PLD1: variants seen among roughly 807,000 people sequenced by gnomAD.
PLD1 encodes the protein choline phosphatase 1.
A neutral mutation model predicts 137.1 loss-of-function variants in PLD1; 112 were observed. The observed-to-expected ratio is 0.82, with a 90% confidence interval of 0.70 to 0.96. The LOEUF (loss-of-function observed/expected upper bound fraction) is 0.96. Among genes scored for constraint, PLD1 ranks in the 40% least tolerant of loss-of-function variants. PLD1 has a pLI of 0.00. For synonymous variants in PLD1, 431 were observed against 454.7 expected (o/e 0.95, Z 0.66); for missense variants, 1,321 against 1,342.0 (o/e 0.98, Z 0.24).
At chr3:171,725,556 A>G (rs1297366284) in intron 7 of PLD1, among the ~76,000 whole-genome samples, 1 of 152,256 alleles carries the variant, frequency 6.6e-6, no homozygotes, top group Non-Finnish European at 1.5e-5. Flanking sequence ...CTTGAAAGTT[A>G]AGCTCTTTAT....
chr3:171,623,331 T>TA (rs1172050107), intron 23 of PLD1, among the ~76,000 whole-genome samples: 123 of 150,516 alleles, frequency 8.2e-4, no homozygotes, highest in African/African-American at 2.8e-3. Flanking sequence ...TTTTTTTTTT[T>TA]TGAGATGGAG....
rs990716571 is a variant in PLD1 at position 171,678,791 on chromosome 3, T to G, written c.1868-1097A>C. Among the ~76,000 whole-genome samples the G allele has an allele frequency of 2.6e-5, 4 of 152,304 alleles. No individual in the cohort carries two copies. In the East Asian group the frequency reaches 7.7e-4, roughly 29 times the overall value. On this transcript the variant is annotated intron_variant, in intron 16 of 26. Transcript: ENST00000351298. ...AAGACTCTTCCCAAACTGGTGCCAA[T>G]CTATCTTTCTAGTCCTTGTTTTTCC...
At chr3:171,730,177 C>T (rs982524133) in intron 6 of PLD1, among the ~76,000 whole-genome samples, 8 of 152,138 alleles carry the variant, frequency 5.3e-5, no homozygotes, top group African/African-American at 1.9e-4. Flanking sequence ...CTACAGCCAG[C>T]ACTAATACAA....
chr3:171,692,532 CT>C lies in PLD1; in HGVS notation c.1228-91del, dbSNP rs368048616. On this transcript the variant is annotated intron_variant, in intron 12 of 26. Transcript: ENST00000351298. ...TTTTCCTTTGCACTGTACTTTCTTTCTTTTTTTTTTCAGAGTCTCACTCTGT... is the reference window on the plus strand; with the variant it reads ...TTTTCCTTTGCACTGTACTTTCTTTCTTTTTTTTTCAGAGTCTCACTCTGT... 4,135 of 626,360 alleles carry C rather than the reference CT, an allele frequency of 6.6e-3. 46 individuals carry two copies. Among genetic ancestry groups the C allele is most frequent in the African/African-American group, 0.04 (2,104 of 52,838 alleles). 38.8% of individuals were successfully genotyped at this position (626,360 alleles called of 1,614,324 possible). A position where few individuals can be genotyped will look rare whatever the true frequency, so the allele number is the denominator to read the frequency against.
intron 25 of PLD1, among the ~76,000 whole-genome samples, chr3:171,609,412 T>C (rs1174534440): frequency 6.6e-6 from 1 of 151,716 alleles, no homozygotes; most frequent in Non-Finnish European, 1.5e-5. Flanking sequence ...GTCCTAAAAA[T>C]GACACCTGCA....
At chr3:171,730,908 G>C (rs1718893489) in intron 6 of PLD1, among the ~76,000 whole-genome samples, 1 of 152,110 alleles carries the variant, frequency 6.6e-6, no homozygotes, top group African/African-American at 2.4e-5. Flanking sequence ...CAAAATGCTG[G>C]GATTGCAGGC....
intron 1 of PLD1, among the ~76,000 whole-genome samples, chr3:171,781,915 CA>C (rs561953471): frequency 8.6e-5 from 13 of 151,830 alleles, no homozygotes; most frequent in Non-Finnish European, 1.9e-4. Flanking sequence ...AACACAGCCA[CA>C]AAAAAAGACT....
At chr3:171,681,745 A>G (rs866918949) in intron 16 of PLD1, among the ~76,000 whole-genome samples, 4 of 152,126 alleles carry the variant, frequency 2.6e-5, no homozygotes, top group Non-Finnish European at 4.4e-5. Flanking sequence ...AATATTTAAA[A>G]CTCATGCTCA....
chr3:171,686,612 C>A, intron 16 of PLD1, 73 bp downstream of exon 16: 1 of 776,828 alleles, frequency 1.3e-6, no homozygotes, highest in Non-Finnish European at 2.2e-6. Context: ...AACACATTCA[C>A]TATGCCCATG....
chr3:171,672,353 AAATG>A (rs762166207), intron 19 of PLD1, among the ~76,000 whole-genome samples: 8 of 152,234 alleles, frequency 5.3e-5, no homozygotes, highest in Non-Finnish European at 1.2e-4. Flanking sequence ...TTGGCTGAAT[AAATG>A]AATGAATGAG....
At chr3:171,689,672 T>C (rs1252707668) in intron 13 of PLD1, among the ~76,000 whole-genome samples, 2 of 152,302 alleles carry the variant, frequency 1.3e-5, no homozygotes, top group East Asian at 3.9e-4. Flanking sequence ...GGCTAATCTT[T>C]TTGTTTTTTG....
intron 1 of PLD1, among the ~76,000 whole-genome samples, chr3:171,791,477 T>C (rs1020605912): frequency 2.6e-5 from 4 of 152,178 alleles, no homozygotes; most frequent in South Asian, 2.1e-4. Flanking sequence ...TCCAGCTCTA[T>C]TGTGTCTCTA....
intron 21 of PLD1, among the ~76,000 whole-genome samples, chr3:171,651,385 T>C (rs1416726619): frequency 6.6e-6 from 1 of 152,014 alleles, no homozygotes; most frequent in Admixed American, 6.6e-5. Flanking sequence ...ATCAATTATG[T>C]TGGAATTGGA....
intron 1 of PLD1, among the ~76,000 whole-genome samples, chr3:171,797,501 T>G: frequency 6.6e-6 from 1 of 152,180 alleles, no homozygotes; most frequent in East Asian, 1.9e-4. Context: ...CCCAGCCCTC[T>G]GTGTTCTCCT....
At chr3:171,647,150 A>T (rs535457334) in intron 21 of PLD1, among the ~76,000 whole-genome samples, 1 of 152,130 alleles carries the variant, frequency 6.6e-6, no homozygotes, top group African/African-American at 2.4e-5. Context: ...GCCTGCCCAC[A>T]TATCTTTCTG....
At chr3:171,611,180 A>C (rs566059811) in intron 25 of PLD1, among the ~76,000 whole-genome samples, 1 of 152,286 alleles carries the variant, frequency 6.6e-6, no homozygotes, top group African/African-American at 2.4e-5. Context: ...TCCTCACCAA[A>C]ATTGCATTAT....
At position 171,688,730 on chromosome 3, in the gene PLD1, T is replaced by C; in HGVS notation, c.1485A>G (p.Thr495=). 5 of 1,614,178 alleles carry C rather than the reference T, an allele frequency of 3.1e-6. No individual in the cohort carries two copies. Among genetic ancestry groups the C allele is most frequent in the Non-Finnish European group, 4.2e-6 (5 of 1,180,008 alleles). ...GRWDDNEHRL[T]DVGSVKRVTS... is the part of the protein sequence containing the mutation. ...TGACCCGCTTCACACTGCCCACGTC[T>C]GTGAGTCTGTGCTCATTGTCGTCCC... The change falls in exon 14 of 27, where the codon ACA becomes ACG. Residue 495 remains threonine, a synonymous_variant. Transcript: ENST00000351298.
intron 1 of PLD1, among the ~76,000 whole-genome samples, chr3:171,774,589 G>A (rs1722527570): frequency 6.6e-6 from 1 of 152,194 alleles, no homozygotes; most frequent in Admixed American, 6.5e-5. Flanking sequence ...GGCCTTTTTG[G>A]GTGAGTAGGA....
intron 1 of PLD1, among the ~76,000 whole-genome samples, chr3:171,782,184 A>G (rs570703069): frequency 1.0e-3 from 155 of 152,330 alleles, no homozygotes; most frequent in Non-Finnish European, 1.8e-3. Flanking sequence ...GAAAGGCAAA[A>G]ATAACATATT....
Sources: gnomAD v4.1 joint callset for allele counts (sites outside exome capture counted in the v4.1 genomes callset) on GRCh38, gnomAD v4.1.1 for gene constraint, MANE v1.5 for transcripts, NCBI Gene and HGNC (gene_info 2026-07-23, HGNC 2026-07-21) for gene names.